CPT1A: variants seen among roughly 807,000 people sequenced by gnomAD.
CPT1A encodes carnitine palmitoyltransferase 1A.
In CPT1A, 64 loss-of-function variants were observed where a neutral mutation model predicts 100.8. The observed-to-expected ratio is 0.63, with a 90% CI of 0.52 to 0.78. The LOEUF is 0.78. CPT1A is among the 30% of genes least tolerant of loss of function. The probability of loss-of-function intolerance (pLI) is 0.00; values close to 1 mark genes in which losing one functional copy is unlikely to be tolerated. For synonymous variants in CPT1A, 363 were observed against 396.0 expected, an observed-to-expected ratio of 0.92 and a Z score of 0.99; for missense variants, 802 against 1,034.1, an observed-to-expected ratio of 0.78 and a Z score of 3.08.
chr11:68,774,796 A>G (rs899432629), intron 13 of CPT1A, among the ~76,000 whole-genome samples: 9 of 151,152 alleles, frequency 6.0e-5, no homozygotes, highest in African/African-American at 1.7e-4. Context: ...AAAAAAAAAA[A>G]AAAGAAAAAG....
intron 1 of CPT1A, among the ~76,000 whole-genome samples, chr11:68,821,391 G>A (rs1457793429): frequency 6.6e-6 from 1 of 152,208 alleles, no homozygotes; most frequent in East Asian, 1.9e-4. Flanking sequence ...GACCTCAGGT[G>A]ATCCACCCGC....
rs527635461 is a variant in CPT1A at position 68,794,770 on chromosome 11, A to G, written c.879+34T>C. On this transcript the variant is annotated intron_variant, in intron 8 of 18. Transcript: ENST00000265641. ...AATTATACCTCTGTAAAGCTGTTTGAAAATAATTTTTTTAAAGCAATTTGT... is the reference window on the plus strand; with the variant it reads ...AATTATACCTCTGTAAAGCTGTTTGGAAATAATTTTTTTAAAGCAATTTGT... 355 of 1,534,970 alleles carry G rather than the reference A, an allele frequency of 2.3e-4. 2 individuals carry two copies. The South Asian group carries it at 3.8e-3, about 16-fold the overall frequency.
At chr11:68,769,547 C>G (rs1319895594) in intron 14 of CPT1A, among the ~76,000 whole-genome samples, 1 of 151,734 alleles carries the variant, frequency 6.6e-6, no homozygotes, top group African/African-American at 2.4e-5. Flanking sequence ...CCACTTTAAT[C>G]ACAACAGTCT....
intron 1 of CPT1A, among the ~76,000 whole-genome samples, chr11:68,831,928 C>T (rs1270366338): frequency 6.6e-6 from 1 of 152,094 alleles, no homozygotes; most frequent in Admixed American, 6.6e-5. Context: ...CCACTGTGCC[C>T]GACCCAGAAC....
chr11:68,801,642 AAG>A (rs1555231116), intron 5 of CPT1A, among the ~76,000 whole-genome samples: 2 of 151,990 alleles, frequency 1.3e-5, no homozygotes, highest in Non-Finnish European at 2.9e-5. Context: ...AAAAAAAAAA[AAG>A]AGCAGAGATG....
At chr11:68,832,165 C>T (rs1268074546) in intron 1 of CPT1A, among the ~76,000 whole-genome samples, 1 of 152,154 alleles carries the variant, frequency 6.6e-6, no homozygotes, top group Non-Finnish European at 1.5e-5. Context: ...AACCCAGGCC[C>T]AGGCCAGGTG....
At chr11:68,778,445 G>T (rs1855200555) in intron 12 of CPT1A, among the ~76,000 whole-genome samples, 2 of 152,106 alleles carry the variant, frequency 1.3e-5, no homozygotes, top group African/African-American at 4.8e-5. Context: ...ATTATAAAAA[G>T]AAACGTCAAG....
upstream of CPT1A, among the ~76,000 whole-genome samples, chr11:68,842,208 T>C (rs893123044): frequency 6.6e-6 from 1 of 152,110 alleles, no homozygotes; most frequent in African/African-American, 2.4e-5. Flanking sequence ...TCTATCGGCA[T>C]TGCCCCGTGT....
chr11:68,763,594 G>C (rs960073966), intron 14 of CPT1A, among the ~76,000 whole-genome samples: 1 of 152,120 alleles, frequency 6.6e-6, no homozygotes. Flanking sequence ...AGGAAGCCTC[G>C]GGTGGGCTGG....
chr11:68,838,567 C>CT (rs139306877), intron 1 of CPT1A, among the ~76,000 whole-genome samples: 701 of 3,034 alleles, frequency 0.23, 16 homozygotes, highest in African/African-American at 0.27. Flanking sequence ...GTATCTGCAC[C>CT]TTTTTAAAAA....
At chr11:68,802,497 C>T (rs962352753) in intron 5 of CPT1A, among the ~76,000 whole-genome samples, 15 of 150,256 alleles carry the variant, frequency 1.0e-4, no homozygotes, top group African/African-American at 2.5e-4. Flanking sequence ...TTTCGGAGGC[C>T]GAGGCAGGCA....
At chr11:68,762,160 C>T (rs918895465) in intron 15 of CPT1A, among the ~76,000 whole-genome samples, 1 of 152,190 alleles carries the variant, frequency 6.6e-6, no homozygotes, top group Non-Finnish European at 1.5e-5. Flanking sequence ...CTTCTCAGGA[C>T]CACTGCTAAG....
chr11:68,799,288 T>C lies in CPT1A; in HGVS notation c.623A>G (p.Asp208Gly), dbSNP rs1343724943. ...DFKRMTALAQ[D>G]FAVGLGPRLQ... ...TCTTGGTCCAAGACCGACAGCAAAA[T>C]CTTGAGCAAGTGCTGTCATCCGTTT... Residue 208 changes from aspartate (D) to glycine (G), a missense_variant, in exon 6 of 19, where the codon GAT (aspartate) becomes GGT (glycine). Asp to Gly is a moderately conservative substitution (Grantham distance 94). Transcript: ENST00000265641. 2 of 1,613,948 alleles carry C rather than the reference T, an allele frequency of 1.2e-6. No homozygotes were observed. The highest frequency in any genetic ancestry group is 1.7e-6 in the Non-Finnish European group (2 of 1,179,930).
At chr11:68,795,828 G>A (rs1242877851) in intron 7 of CPT1A, among the ~76,000 whole-genome samples, 1 of 151,436 alleles carries the variant, frequency 6.6e-6, no homozygotes, top group African/African-American at 2.4e-5. Flanking sequence ...GAGAATTGCT[G>A]GAACCCAGGA....
intron 16 of CPT1A, 77 bp downstream of exon 16, chr11:68,761,458 G>C: frequency 1.3e-6 from 2 of 1,494,600 alleles, no homozygotes; most frequent in Non-Finnish European, 1.9e-6. Context: ...ATTAAAATAT[G>C]TTCATGCAAG....
In CPT1A at chr11:68,781,906, T is replaced by A; in HGVS notation, c.1217A>T (p.Gln406Leu). The change falls in exon 11 of 19, where the codon CAG becomes CTG. Residue 406 changes from glutamine (Q) to leucine (L), a missense_variant. Gln to Leu is a moderately radical substitution (Grantham distance 113). Coordinates refer to ENST00000265641, the MANE Select transcript of CPT1A (RefSeq NM_001876.4). Reference protein sequence around the residue: ...QAYFGRGKNKQSLDAVEKAAF... With the variant: ...QAYFGRGKNKLSLDAVEKAAF... ...TGCTTTCTCCACAGCATCAAGAGAC[T>A]GCTTATTTTTCCCACGTCCAAAATA... 1 of 1,614,214 alleles carries A rather than the reference T, an allele frequency of 6.2e-7. No homozygotes were observed. Among genetic ancestry groups the A allele is most frequent in the Non-Finnish European group, 8.5e-7 (1 of 1,180,034 alleles).
intron 7 of CPT1A, among the ~76,000 whole-genome samples, chr11:68,796,060 T>C (rs1594346717): frequency 6.6e-6 from 1 of 152,184 alleles, no homozygotes; most frequent in African/African-American, 2.4e-5. Context: ...AGAGGCCTTC[T>C]AACCATCCAT....
rs560238811 is a variant in CPT1A at position 68,811,954 on chromosome 11, G to T, written c.281+483C>A. Among the ~76,000 whole-genome samples the T allele has an allele frequency of 2.6e-5, 4 of 152,250 alleles. No homozygotes were observed. In the East Asian group the frequency reaches 5.8e-4, roughly 22 times the overall value. ...ACCCTAGAGGTAGGAGGGACGGGGG[G>T]GTCCCTGGAGATTTCTAAACCATTC... On this transcript the variant is annotated intron_variant, in intron 3 of 18. Transcript: ENST00000265641.
chr11:68,809,403 G>C (rs1268087540), intron 3 of CPT1A, among the ~76,000 whole-genome samples: 1 of 152,198 alleles, frequency 6.6e-6, no homozygotes, highest in African/African-American at 2.4e-5. Flanking sequence ...AAAAACGTTA[G>C]CAAAAAGCTT....
Sources: gnomAD v4.1 joint callset for allele counts (sites outside exome capture counted in the v4.1 genomes callset) on GRCh38, gnomAD v4.1.1 for gene constraint, MANE v1.5 for transcripts, NCBI Gene and HGNC (gene_info 2026-07-23, HGNC 2026-07-21) for gene names.